The following PHYH variants were observed in gnomAD, a reference collection of about 807,000 sequenced individuals.
PHYH encodes phytanoyl-CoA 2-hydroxylase, also known as phytanoyl-CoA dioxygenase, peroxisomal.
Under a neutral mutation model 38.5 loss-of-function variants are expected in PHYH, and 32 were observed. The ratio of observed to expected loss-of-function variants is 0.83; its 90% confidence interval spans 0.63 to 1.12. The LOEUF (loss-of-function observed/expected upper bound fraction) is 1.12, where lower values mean the gene tolerates loss of function less well. PHYH is among the 50% of genes most tolerant of loss of function. The probability of loss-of-function intolerance (pLI) is 0.00; values close to 1 mark genes in which losing one functional copy is unlikely to be tolerated. For synonymous variants in PHYH, 166 were observed against 157.9 expected (o/e 1.05, Z -0.38); for missense variants, 426 against 434.8 (o/e 0.98, Z 0.18).
rs897016543 is a variant in PHYH at position 13,294,439 on chromosome 10, T to C, written c.403A>G (p.Thr135Ala). Residue 135 changes from threonine (T) to alanine (A), a missense_variant, in exon 4 of 9, where the codon ACT (threonine) becomes GCT (alanine). Coordinates refer to ENST00000263038, the MANE Select transcript of PHYH (RefSeq NM_006214.4). ...GGGTGGTCTCTGACCTCGGGGAGAG[T>C]GCAGTATCTGAAGAGCTCCTTATCT... ...QEDKELFRYCTLPEILKYVEC... is the reference protein window; with the variant it reads ...QEDKELFRYCALPEILKYVEC... The C allele has an allele frequency of 6.2e-7, 1 of 1,613,504 alleles. No individual in the cohort carries two copies. Among genetic ancestry groups the C allele is most frequent in the Non-Finnish European group, 8.5e-7 (1 of 1,179,864 alleles).
In PHYH at chr10:13,294,317, C is replaced by T. The variant is rs1469947655; in HGVS notation, c.414+111G>A. 13 of 946,172 alleles carry T rather than the reference C, an allele frequency of 1.4e-5. No individual in the cohort carries two copies. The South Asian group carries it at 1.5e-4, about 11-fold the overall frequency. The allele number at this position is 946,172 out of a possible 1,614,324, so 58.6% of individuals were successfully genotyped here. On this transcript the variant is annotated intron_variant, in intron 4 of 8. Coordinates refer to ENST00000263038, the MANE Select transcript of PHYH (RefSeq NM_006214.4). ...GCGATCCACCTGCCTCAGCCTCCCA[C>T]AGTGCTCGGATTACAGGAGTGAGCC...
intron 4 of PHYH, among the ~76,000 whole-genome samples, chr10:13,293,370 C>T (rs1450949074): frequency 2.0e-5 from 3 of 152,060 alleles, no homozygotes; most frequent in Non-Finnish European, 4.4e-5. Flanking sequence ...GACATGATCT[C>T]GGCTCACTGC....
chr10:13,287,375 G>T (rs1835579109), intron 6 of PHYH, among the ~76,000 whole-genome samples: 1 of 151,828 alleles, frequency 6.6e-6, no homozygotes, highest in East Asian at 1.9e-4. Context: ...AAACAAAAAG[G>T]GTCTTCGATC....
chr10:13,288,076 C>T (rs977113479), intron 6 of PHYH, among the ~76,000 whole-genome samples: 3 of 152,082 alleles, frequency 2.0e-5, no homozygotes, highest in Admixed American at 6.6e-5. Flanking sequence ...GCTACTAGGG[C>T]GACTGAGGCG....
intron 8 of PHYH, 89 bp downstream of exon 8, chr10:13,280,887 C>T: frequency 8.0e-7 from 1 of 1,250,866 alleles, no homozygotes; most frequent in Non-Finnish European, 1.2e-6. Flanking sequence ...GCACTATATA[C>T]TGTCAAATAA....
rs559678066 is a variant in PHYH, at chr10:13,294,984, G to A, written c.246-388C>T. On this transcript the variant is annotated intron_variant, in intron 3 of 8. Transcript: ENST00000263038. ...CTATTATTATCCCCATTTTACAGAT[G>A]AGGAAACAGAGGCATGGGATGTGAA... 3 of 327,812 alleles carry A rather than the reference G, an allele frequency of 9.2e-6. No individual in the cohort carries two copies. The East Asian group carries it at 2.5e-4, about 27-fold the overall frequency. 20.3% of individuals were successfully genotyped at this position (327,812 alleles called of 1,614,324 possible). A position where few individuals can be genotyped will look rare whatever the true frequency, so the allele number is the denominator to read the frequency against.
chr10:13,295,806 T>C (rs1835833007), intron 2 of PHYH, among the ~76,000 whole-genome samples, 200 bp from the exon 3 acceptor site: 1 of 149,578 alleles, frequency 6.7e-6, no homozygotes, highest in Non-Finnish European at 1.5e-5. Context: ...CACTCCAGCA[T>C]GGGCGACAGA....
At chr10:13,289,058 C>T (rs1164726011) in intron 5 of PHYH, among the ~76,000 whole-genome samples, 3 of 151,704 alleles carry the variant, frequency 2.0e-5, no homozygotes, top group South Asian at 2.1e-4. Flanking sequence ...AGATAAACAC[C>T]AAATTGGAAA....
At chr10:13,298,054 A>C in intron 2 of PHYH, 133 bp downstream of exon 2, 1 of 655,522 alleles carries the variant, frequency 1.5e-6, no homozygotes, top group African/African-American at 1.8e-5. Flanking sequence ...ACTAATTAGA[A>C]TAAGTCCTGG....
At chr10:13,287,455 G>T (rs569937393) in intron 6 of PHYH, among the ~76,000 whole-genome samples, 1 of 152,312 alleles carries the variant, frequency 6.6e-6, no homozygotes, top group African/African-American at 2.4e-5. Context: ...TAGTAAAACA[G>T]TCTTTTCTAA....
intron 8 of PHYH, 105 bp from the exon 9 acceptor site, chr10:13,278,459 A>AGG (rs1345037468): frequency 1.3e-6 from 1 of 796,134 alleles, no homozygotes; most frequent in Admixed American, 1.8e-5. Flanking sequence ...CTTCTATGAA[A>AGG]GGTTACATAG....
rs1278291229 is a variant in PHYH, at chr10:13,281,100, C to T, written c.839G>A (p.Cys280Tyr). The T allele has an allele frequency of 1.9e-6, 3 of 1,614,178 alleles. No individual in the cohort carries two copies. Among genetic ancestry groups the T allele is most frequent in the South Asian group, 2.2e-5 (2 of 91,088 alleles). ...GTGGCAATCGGCACTGGCGAAATGG[C>T]AGGAAATTGCCTGTGCAAAGTGAAC... ...KTQGFRKAIS[C>Y]HFASADCHYI... The change falls in exon 8 of 9, where the codon TGC becomes TAC. Residue 280 changes from cysteine to tyrosine, a missense_variant. Transcript: ENST00000263038.
chr10:13,294,074 C>T (rs1375284075), intron 4 of PHYH, among the ~76,000 whole-genome samples: 1 of 152,066 alleles, frequency 6.6e-6, no homozygotes, highest in Non-Finnish European at 1.5e-5. Context: ...TGGTGGCAGG[C>T]ACCTGTAAAC....
intron 7 of PHYH, among the ~76,000 whole-genome samples, chr10:13,282,074 T>C (rs1835425543): frequency 1.3e-5 from 2 of 151,366 alleles, no homozygotes; most frequent in Non-Finnish European, 2.9e-5. Flanking sequence ...AGCAAGACCA[T>C]GTCTGTACAA....
chr10:13,288,649 G>T, intron 5 of PHYH, 108 bp from the exon 6 acceptor site: 1 of 1,071,446 alleles, frequency 9.3e-7, no homozygotes, highest in Non-Finnish European at 1.4e-6. Context: ...GTGGGAGGCT[G>T]AGGCAGATGG....
In PHYH at chr10:13,288,494, G is replaced by T. The variant is rs773050136; in HGVS notation, c.544C>A (p.Pro182Thr). Residue 182 changes from proline to threonine, a missense_variant, in exon 6 of 9, where the codon CCC becomes ACC. By Grantham distance (38) the Pro-to-Thr change is conservative (BLOSUM62 -1). Transcript: ENST00000263038. ...ACGATGAGATCGCTGGGCCTGAAGG[G>T]GAAATAGTGCAGGTCCTGGTGCAGG... is the stretch of plus-strand genomic sequence containing the variant. ...HPLHQDLHYF[P>T]FRPSDLIVCA... 1 of 1,614,192 alleles carries T rather than the reference G, an allele frequency of 6.2e-7. No homozygotes were observed. Among genetic ancestry groups the T allele is most frequent in the South Asian group, 1.1e-5 (1 of 91,084 alleles).
intron 4 of PHYH, among the ~76,000 whole-genome samples, chr10:13,293,783 G>A (rs1188314332): frequency 6.6e-6 from 1 of 151,964 alleles, no homozygotes; most frequent in Non-Finnish European, 1.5e-5. Context: ...CAACATTTTT[G>A]AAATCATGAG....
intron 4 of PHYH, 110 bp downstream of exon 4, chr10:13,294,318 A>T: frequency 1.1e-6 from 1 of 952,168 alleles, no homozygotes; most frequent in South Asian, 1.3e-5. Flanking sequence ...AGCCTCCCAC[A>T]GTGCTCGGAT....
chr10:13,285,606 CTTTT>C (rs36040564), intron 6 of PHYH, among the ~76,000 whole-genome samples: 4 of 127,532 alleles, frequency 3.1e-5, no homozygotes, highest in Non-Finnish European at 3.3e-5. Context: ...CTTTTCTTTT[CTTTT>C]TTTTTTTTTT....
Sources: allele counts gnomAD v4.1 joint callset (sites outside exome capture counted in the v4.1 genomes callset), GRCh38; gene constraint gnomAD v4.1.1; transcripts MANE v1.5; gene names NCBI Gene and HGNC (gene_info 2026-07-23, HGNC 2026-07-21).